Variants in SEM1 observed in about 807,000 individuals in gnomAD.
The protein encoded by SEM1 is SEM1 26S proteasome subunit, also known as 26S proteasome complex subunit SEM1.
Under a neutral mutation model 12.7 loss-of-function variants are expected in SEM1, and 3 were observed. The observed-to-expected ratio is 0.24, with a 90% CI of 0.11 to 0.61. SEM1 has a LOEUF of 0.61. Among genes scored for constraint, SEM1 ranks in the 20% least tolerant of loss-of-function variants. The pLI, the probability that SEM1 is intolerant of heterozygous loss-of-function variation, is 0.88. For synonymous variants in SEM1, 30 were observed against 27.8 expected, an observed-to-expected ratio of 1.08 and a Z score of -0.25; for missense variants, 59 against 81.3, an observed-to-expected ratio of 0.73 and a Z score of 1.06.
At chr7:96,647,334 A>G (rs1808826809) in intron 2 of SEM1, 1 of 152,230 alleles carries the variant, frequency 6.6e-6, no homozygotes, top group Admixed American at 6.5e-5. Context: ...CTTGGAATAT[A>G]TAAGCAATCA....
chr7:96,544,377 A>C (rs903535968), intron 2 of SEM1, among the ~76,000 whole-genome samples: 1 of 152,008 alleles, frequency 6.6e-6, no homozygotes, highest in Admixed American at 6.6e-5. Context: ...GCTTTTTTAA[A>C]TAGGATTTTT....
intron 1 of SEM1, among the ~76,000 whole-genome samples, chr7:96,705,204 G>A (rs935747157): frequency 1.3e-5 from 2 of 152,072 alleles, no homozygotes; most frequent in Non-Finnish European, 2.9e-5. Flanking sequence ...GGGAAGGTGG[G>A]TAGTATTCTG....
chr7:96,688,116 C>T (rs887042766), downstream of SEM1: 1 of 152,128 alleles, frequency 6.6e-6, no homozygotes, highest in African/African-American at 2.4e-5. Flanking sequence ...ATACCCCGTA[C>T]ATTTAAGTCA....
At position 96,688,837 on chromosome 7, in the gene SEM1, A is replaced by AT. The variant is rs1448801462; in HGVS notation, c.*86dup. The AT allele has an allele frequency of 1.2e-5, 9 of 754,782 alleles. No individual in the cohort carries two copies. The highest frequency in any genetic ancestry group is 2.7e-5 in the East Asian group (1 of 37,594). The allele number at this position is 754,782 out of a possible 1,614,324, so 46.8% of individuals were successfully genotyped here. ...TCCAAGCAGATAATGAAATAAACACATTTTTTTAGTGTCCCATCCTGGGTT... is the reference window on the plus strand; with the variant it reads ...TCCAAGCAGATAATGAAATAAACACATTTTTTTTAGTGTCCCATCCTGGGTT... On this transcript the variant is annotated 3_prime_UTR_variant, in exon 3 of 3. Transcript: ENST00000248566.
chr7:96,573,635 G>T (rs1001562542), intron 2 of SEM1, among the ~76,000 whole-genome samples: 4 of 152,146 alleles, frequency 2.6e-5, no homozygotes, highest in African/African-American at 9.7e-5. Context: ...GGGGAGATCT[G>T]CTGTTAGTCT....
At chr7:96,589,386 T>G (rs6465529) in intron 2 of SEM1, among the ~76,000 whole-genome samples, 130,056 of 152,060 alleles carry the variant, frequency 0.86, 57,610 homozygotes, top group Non-Finnish European at 0.98. Flanking sequence ...GGTCACTGTA[T>G]GTGCTTCTTG....
At chr7:96,686,720 A>T (rs928158966), downstream of SEM1, among the ~76,000 whole-genome samples, 1 of 152,214 alleles carries the variant, frequency 6.6e-6, no homozygotes, top group African/African-American at 2.4e-5. Flanking sequence ...TTCAGGACAT[A>T]GGCATGGGCA....
chr7:96,669,316 T>C (rs1301502492), downstream of SEM1, among the ~76,000 whole-genome samples: 1 of 152,230 alleles, frequency 6.6e-6, no homozygotes, highest in Non-Finnish European at 1.5e-5. Context: ...GCAAGTTACG[T>C]AGTCTCTGTC....
chr7:96,498,814 C>T (rs1334572591), upstream of SEM1, among the ~76,000 whole-genome samples: 1 of 152,010 alleles, frequency 6.6e-6, no homozygotes, highest in African/African-American at 2.4e-5. Flanking sequence ...AACCCTGTAA[C>T]CTTGAGAAGG....
At chr7:96,668,855 G>T (rs1789236883), downstream of SEM1, among the ~76,000 whole-genome samples, 1 of 152,194 alleles carries the variant, frequency 6.6e-6, no homozygotes, top group Non-Finnish European at 1.5e-5. Context: ...TACTGGAGTA[G>T]ACGGGTCCAT....
chr7:96,524,754 A>G (rs1378822172), intron 2 of SEM1, among the ~76,000 whole-genome samples: 1 of 152,100 alleles, frequency 6.6e-6, no homozygotes. Context: ...AACATCTTGA[A>G]TATATTTTAT....
intron 2 of SEM1, among the ~76,000 whole-genome samples, chr7:96,518,075 G>A (rs1378375073): frequency 2.0e-5 from 3 of 152,170 alleles, no homozygotes; most frequent in African/African-American, 7.2e-5. Flanking sequence ...ACGCAGTATA[G>A]GCCAGTGCCA....
chr7:96,607,893 G>C (rs565401731), intron 2 of SEM1, among the ~76,000 whole-genome samples: 1 of 152,132 alleles, frequency 6.6e-6, no homozygotes, highest in South Asian at 2.1e-4. Context: ...AGCAAGCATT[G>C]GTTGAGTGTC....
Position 96,703,972 on chromosome 7 carries a change from A to AAAACAC in SEM1, c.76+5715_76+5716insGTGTTT, listed in dbSNP as rs544848457. ...CCAGAGCAAGACCTTGTCTCTTAAA[A>AAAACAC]ACACACACACACACACACACACACA... is the stretch of plus-strand genomic sequence containing the variant. On this transcript the variant is annotated intron_variant, in intron 1 of 2. Transcript: ENST00000248566. Among the ~76,000 whole-genome samples, 8 of 142,182 alleles carry AAAACAC rather than the reference A, an allele frequency of 5.6e-5. No individual in the cohort carries two copies. The East Asian group carries it at 1.5e-3, about 26-fold the overall frequency. The allele number at this position is 142,182 out of a possible 152,430, so 93.3% of individuals were successfully genotyped here. A position where few individuals can be genotyped will look rare whatever the true frequency, so the allele number is the denominator to read the frequency against.
Position 96,570,013 on chromosome 7 carries a change from C to T in SEM1, c.171-63315G>A, listed in dbSNP as rs149316681. On this transcript the variant is annotated intron_variant and NMD_transcript_variant, in intron 2 of 3. Coordinates refer to the SEM1 transcript ENST00000466986. ...ACGAGTGCAGGTACCTTTTTGATAACGATTTACTTCCTTTTGGGTATATAC... is the reference window on the plus strand; with the variant it reads ...ACGAGTGCAGGTACCTTTTTGATAATGATTTACTTCCTTTTGGGTATATAC... Among the ~76,000 whole-genome samples the T allele has an allele frequency of 9.9e-4, 150 of 151,932 alleles. 3 individuals carry two copies. The East Asian group carries it at 0.027, about 28-fold the overall frequency.
chr7:96,524,187 C>A, intron 2 of SEM1, among the ~76,000 whole-genome samples: 1 of 152,142 alleles, frequency 6.6e-6, no homozygotes, highest in Non-Finnish European at 1.5e-5. Context: ...CTTGTAGATG[C>A]CCTGAAGCAT....
intron 2 of SEM1, among the ~76,000 whole-genome samples, chr7:96,628,645 A>G (rs1418975483): frequency 6.6e-6 from 1 of 152,046 alleles, no homozygotes; most frequent in Admixed American, 6.6e-5. Context: ...TCATCTTTTC[A>G]TCTTTCTACT....
intron 2 of SEM1, among the ~76,000 whole-genome samples, chr7:96,509,459 T>A (rs1688283178): frequency 6.6e-6 from 1 of 152,094 alleles, no homozygotes; most frequent in Admixed American, 6.6e-5. Context: ...GTATGATGAG[T>A]TATCAGCATC....
intron 2 of SEM1, among the ~76,000 whole-genome samples, chr7:96,638,339 G>A (rs1261234040): frequency 1.3e-5 from 2 of 151,884 alleles, no homozygotes; most frequent in Non-Finnish European, 2.9e-5. Flanking sequence ...CTTATTGTTG[G>A]AGAAACTCAA....
Sources: gnomAD v4.1 joint callset for allele counts (sites outside exome capture counted in the v4.1 genomes callset) on GRCh38, gnomAD v4.1.1 for gene constraint, MANE v1.5 for transcripts, NCBI Gene and HGNC (gene_info 2026-07-23, HGNC 2026-07-21) for gene names.